FCGR3B: variants seen among roughly 807,000 people sequenced by gnomAD.
FCGR3B encodes the protein low affinity immunoglobulin gamma Fc region receptor III-B.
Under a neutral mutation model 26.7 loss-of-function variants are expected in FCGR3B, and 20 were observed. The ratio of observed to expected loss-of-function variants is 0.75; its 90% confidence interval spans 0.53 to 1.09. FCGR3B has a LOEUF of 1.09. FCGR3B is among the 50% of genes least tolerant of loss of function. The probability of loss-of-function intolerance (pLI) is 0.00; values close to 1 mark genes in which losing one functional copy is unlikely to be tolerated. For synonymous variants in FCGR3B, 79 were observed against 107.0 expected (o/e 0.74, Z 1.62); for missense variants, 191 against 279.7 (o/e 0.68, Z 2.26).
chr1:161,624,596 G>T lies in FCGR3B; in HGVS notation c.621C>A (p.Tyr207Ter), dbSNP rs1206291192. The T allele has an allele frequency of 6.2e-7, 1 of 1,606,662 alleles. No homozygotes were observed. The highest frequency in any genetic ancestry group is 2.2e-5 in the East Asian group (1 of 44,734). The stretch of plus-strand genomic sequence containing the variant: ...CCATCACCAAGCAGAAAGAGACTTG[G>T]TACCCAGGTGGAGAGAATGATGAGA... The part of the protein sequence containing the change: ...STISSFSPPG[Y>*]QVSFCLVMVL... Residue 207 changes from tyrosine to a stop codon, truncating the protein, a stop_gained, in exon 5 of 5, where the codon TAC becomes TAA. Coordinates refer to ENST00000650385, the MANE Select transcript of FCGR3B (RefSeq NM_001244753.2). LOFTEE classifies it high-confidence loss of function.
In FCGR3B at chr1:161,624,480, T is replaced by A. The variant is rs769561727; in HGVS notation, c.*35A>T. On this transcript the variant is annotated 3_prime_UTR_variant, in exon 5 of 5. Transcript: ENST00000650385. ...TGTGTCTTGAGGGTCCTTTCTCCAT[T>A]TAAGTTTATGGTCCTTCCAGTCTCT... 2 of 1,600,438 alleles carry A rather than the reference T, an allele frequency of 1.2e-6. 1 individual carries two copies.
intron 1 of FCGR3B, 111 bp from the exon 2 acceptor site, chr1:161,630,499 T>C (rs1335176832): frequency 1.2e-6 from 1 of 812,210 alleles, no homozygotes; most frequent in Non-Finnish European, 1.9e-6. Flanking sequence ...GGAGCCCAAT[T>C]TTCCCAAGAA....
chr1:161,631,218 G>A (rs770696079), upstream of FCGR3B: 27 of 1,582,602 alleles, frequency 1.7e-5, no homozygotes, highest in South Asian at 9.3e-5. Context: ...TCACCTGCCA[G>A]TTTCCTTTTC....
Position 161,623,923 on chromosome 1 carries a change from GAACACCTCCCTTAGAC to G in FCGR3B, c.*576_*591del, listed in dbSNP as rs1679325570. The G allele has an allele frequency of 1.3e-5, 2 of 149,412 alleles. 1 individual carries two copies. The highest frequency in any genetic ancestry group is 1.3e-4 in the Admixed American group (2 of 14,942). 9.3% of individuals were successfully genotyped at this position (149,412 alleles called of 1,614,324 possible). Reference sequence around the variant, plus strand: ...CACCCTTATCTCTGGGCTCAGATGGGAACACCTCCCTTAGACTATCCTGGACTACCCTGCTATTTCT... The same window carrying G: ...CACCCTTATCTCTGGGCTCAGATGGGTATCCTGGACTACCCTGCTATTTCT... On this transcript the variant is annotated 3_prime_UTR_variant, in exon 5 of 5. Coordinates refer to ENST00000650385, the MANE Select transcript of FCGR3B (RefSeq NM_001244753.2).
chr1:161,625,205 G>C (rs1168682967), intron 4 of FCGR3B, among the ~76,000 whole-genome samples: 4 of 87,460 alleles, frequency 4.6e-5, no homozygotes, highest in Non-Finnish European at 9.6e-5. Context: ...TTATGGCATT[G>C]TGGTGTCAAA....
chr1:161,628,801 G>C (rs1434432638), intron 3 of FCGR3B, among the ~76,000 whole-genome samples: 1 of 145,608 alleles, frequency 6.9e-6, no homozygotes, highest in Non-Finnish European at 1.5e-5. Context: ...GCAGGGACCA[G>C]GCTATGTGGT....
At chr1:161,625,632 G>A (rs1399499194) in intron 4 of FCGR3B, among the ~76,000 whole-genome samples, 4 of 142,318 alleles carry the variant, frequency 2.8e-5, no homozygotes, top group African/African-American at 5.4e-5. Flanking sequence ...CCCAATAAAT[G>A]TCAGCTTATT....
chr1:161,624,891 G>A lies in FCGR3B; in HGVS notation c.578-252C>T, dbSNP rs568587582. Reference sequence around the variant, plus strand: ...GTTTGACAGAGATGTGACAGGGAGCGTTAACAAGTTAGGTTGTAAGCTGGG... The same window carrying A: ...GTTTGACAGAGATGTGACAGGGAGCATTAACAAGTTAGGTTGTAAGCTGGG... On this transcript the variant is annotated intron_variant, in intron 4 of 4. Coordinates refer to ENST00000650385, the MANE Select transcript of FCGR3B (RefSeq NM_001244753.2). 2.3e-4 allele frequency among the ~76,000 whole-genome samples: 33 copies of A among 145,172 alleles called. 1 individual carries two copies. The East Asian group carries it at 4.6e-3, about 20-fold the overall frequency.
rs970159531 is a variant in FCGR3B at position 161,624,201 on chromosome 1, G to C, written c.*314C>G. On this transcript the variant is annotated 3_prime_UTR_variant, in exon 5 of 5. Coordinates refer to ENST00000650385, the MANE Select transcript of FCGR3B (RefSeq NM_001244753.2). ...TGAGGGAATGGTTGGGACAGAAAAA[G>C]TGTTTGTGTAGCTCTGAAACTTCAA... is the stretch of plus-strand genomic sequence containing the variant. The C allele has an allele frequency of 6.1e-6, 2 of 328,778 alleles. No homozygotes were observed. The highest frequency in any genetic ancestry group is 4.3e-5 in the Admixed American group (1 of 23,370). 20.4% of individuals were successfully genotyped at this position (328,778 alleles called of 1,614,324 possible). A position where few individuals can be genotyped will look rare whatever the true frequency, so the allele number is the denominator to read the frequency against.
chr1:161,625,823 G>A (rs891982722), intron 4 of FCGR3B, among the ~76,000 whole-genome samples: 1 of 146,982 alleles, frequency 6.8e-6, no homozygotes, highest in African/African-American at 2.6e-5. Context: ...AGCACGATAG[G>A]AACATATGAC....
At chr1:161,631,279 C>T (rs1679739533), upstream of FCGR3B, 1 of 1,424,508 alleles carries the variant, frequency 7.0e-7, no homozygotes, top group Non-Finnish European at 9.5e-7. Flanking sequence ...GGAGCCCCAC[C>T]ATAGAACAGG....
At position 161,623,218 on chromosome 1, in the gene FCGR3B, C is replaced by G. The variant is rs1313218055; in HGVS notation, c.*1297G>C. ...GAATTTTATCATTCATATTTTATTACCATGGTTTTGCCATCTTCTATCTAA... is the reference window on the plus strand; with the variant it reads ...GAATTTTATCATTCATATTTTATTAGCATGGTTTTGCCATCTTCTATCTAA... On this transcript the variant is annotated 3_prime_UTR_variant, in exon 5 of 5. Transcript: ENST00000650385. 6.7e-6 allele frequency: 1 copy of G among 149,540 alleles called. No individual in the cohort carries two copies. Among genetic ancestry groups the G allele is most frequent in the African/African-American group, 2.5e-5 (1 of 39,978 alleles). The allele number at this position is 149,540 out of a possible 1,614,324, so 9.3% of individuals were successfully genotyped here.
intron 3 of FCGR3B, among the ~76,000 whole-genome samples, chr1:161,627,125 A>T (rs1278822360): frequency 6.7e-6 from 1 of 150,310 alleles, no homozygotes; most frequent in Non-Finnish European, 1.5e-5. Context: ...CAAAGAGAGA[A>T]CATGAGGTCA....
In FCGR3B at chr1:161,629,387, G is replaced by A. The variant is rs115465325; in HGVS notation, c.319+391C>T. On this transcript the variant is annotated intron_variant, in intron 3 of 4. Transcript: ENST00000650385. ...GAAGTTGCAGTGAGCTCAGATTGCC[G>A]CATTGCACTCCAGCCTGGGTGAGAG... 2.8e-3 allele frequency among the ~76,000 whole-genome samples: 131 copies of A among 46,234 alleles called. 1 individual carries two copies. Among genetic ancestry groups the A allele is most frequent in the African/African-American group, 9.6e-3 (125 of 12,968 alleles). 30.3% of individuals were successfully genotyped at this position (46,234 alleles called of 152,430 possible).
In FCGR3B at chr1:161,629,927, G is replaced by A. The variant is rs368910826; in HGVS notation, c.170C>T (p.Ser57Phe). 29 of 1,518,162 alleles carry A rather than the reference G, an allele frequency of 1.9e-5. 4 individuals are homozygous for A. Among genetic ancestry groups the A allele is most frequent in the Non-Finnish European group, 2.4e-5 (27 of 1,141,106 alleles). 94.0% of individuals were successfully genotyped at this position (1,518,162 alleles called of 1,614,324 possible). Residue 57 changes from serine (S) to phenylalanine (F), a missense_variant, in exon 3 of 5, where the codon TCC (serine) becomes TTC (phenylalanine). By Grantham distance (155) the Ser-to-Phe change is radical. Around this residue, in one of 2 missense-constraint regions of FCGR3B, gnomAD observed 88 missense variants for 165.2 expected, o/e 0.53. Transcript: ENST00000650385. ...CQGAYSPEDN[S>F]TQWFHNENLI... Reference sequence around the variant, plus strand: ...GTTCTCATTGTGAAACCACTGTGTGGAATTGTCCTCAGGGGAGTAGGCTCC... The same window carrying A: ...GTTCTCATTGTGAAACCACTGTGTGAAATTGTCCTCAGGGGAGTAGGCTCC...
chr1:161,631,279 C>CATAG, upstream of FCGR3B: 3 of 1,424,508 alleles, frequency 2.1e-6, no homozygotes, highest in Non-Finnish European at 2.9e-6. Flanking sequence ...GGAGCCCCAC[C>CATAG]ATAGAACAGG....
chr1:161,631,295 G>C, upstream of FCGR3B: 1 of 1,350,068 alleles, frequency 7.4e-7, no homozygotes, highest in Admixed American at 2.4e-5. Context: ...ACAGGAATAG[G>C]AAGGAAAGAG....
Position 161,624,592 on chromosome 1 carries a change from C to G in FCGR3B, c.625G>C (p.Val209Leu). Reference protein sequence around the residue: ...ISSFSPPGYQVSFCLVMVLLF... With the variant: ...ISSFSPPGYQLSFCLVMVLLF... ...AGTACCATCACCAAGCAGAAAGAGA[C>G]TTGGTACCCAGGTGGAGAGAATGAT... The change falls in exon 5 of 5, where the codon GTC becomes CTC. Residue 209 changes from valine to leucine, a missense_variant. Coordinates refer to ENST00000650385, the MANE Select transcript of FCGR3B (RefSeq NM_001244753.2). The G allele has an allele frequency of 6.2e-7, 1 of 1,606,626 alleles. No homozygotes were observed. The highest frequency in any genetic ancestry group is 8.5e-7 in the Non-Finnish European group (1 of 1,176,702).
chr1:161,631,139 C>G lies in FCGR3B; in HGVS notation c.-45G>C. On this transcript the variant is annotated 5_prime_UTR_variant, in exon 1 of 5. Transcript: ENST00000650385. The stretch of plus-strand genomic sequence containing the variant: ...CAAGTCACCAAAGATATCCGGAGCC[C>G]TAAAGGGACCAAGCCGACTAGACAG... 1 of 1,607,830 alleles carries G rather than the reference C, an allele frequency of 6.2e-7. No homozygotes were observed. Among genetic ancestry groups the G allele is most frequent in the East Asian group, 2.2e-5 (1 of 44,732 alleles).
Sources: gnomAD v4.1 joint callset for allele counts (sites outside exome capture counted in the v4.1 genomes callset) on GRCh38, gnomAD v4.1.1 for gene constraint, gnomAD v4.1.1 regional missense constraint, MANE v1.5 for transcripts, NCBI Gene and HGNC (gene_info 2026-07-23, HGNC 2026-07-21) for gene names.